Variants in RSRC1 observed in about 807,000 individuals in gnomAD.
The protein encoded by RSRC1 is serine/Arginine-related protein 53.
A neutral mutation model predicts 49.1 loss-of-function variants in RSRC1; 39 were observed. That is an observed-to-expected ratio of 0.79 (90% CI 0.61 to 1.04). RSRC1 has a LOEUF of 1.04. Ranked by LOEUF, RSRC1 falls within the 50% of genes least tolerant of loss-of-function variation. The probability of loss-of-function intolerance (pLI) is 0.00; values close to 1 mark genes in which losing one functional copy is unlikely to be tolerated. For missense variants in RSRC1, 388 were observed against 402.4 expected (o/e 0.96, Z 0.31); for synonymous variants, 143 against 130.8 (o/e 1.09, Z -0.63).
intron 7 of RSRC1, among the ~76,000 whole-genome samples, chr3:158,505,578 T>A (rs1475271561): frequency 6.6e-6 from 1 of 152,098 alleles, no homozygotes; most frequent in African/African-American, 2.4e-5. Flanking sequence ...GGAGTGGCAT[T>A]TGAGCTGAAT....
At chr3:158,197,154 TATTA>T (rs1408463073) in intron 3 of RSRC1, among the ~76,000 whole-genome samples, 1 of 152,234 alleles carries the variant, frequency 6.6e-6, no homozygotes, top group Non-Finnish European at 1.5e-5. Flanking sequence ...GTTGGTAAGC[TATTA>T]ATTGTTGCCT....
At chr3:158,364,693 T>C (rs1731660429) in intron 6 of RSRC1, among the ~76,000 whole-genome samples, 2 of 151,968 alleles carry the variant, frequency 1.3e-5, no homozygotes, top group African/African-American at 2.4e-5. Context: ...CAATATTGTA[T>C]GGTGGTGAAG....
intron 4 of RSRC1, among the ~76,000 whole-genome samples, chr3:158,205,842 C>A (rs920071064): frequency 6.6e-6 from 1 of 152,082 alleles, no homozygotes; most frequent in Admixed American, 6.6e-5. Context: ...TCACAAAAAT[C>A]TCATAATGTT....
intron 5 of RSRC1, among the ~76,000 whole-genome samples, chr3:158,333,914 A>G (rs1189160089): frequency 6.6e-6 from 1 of 152,250 alleles, no homozygotes; most frequent in African/African-American, 2.4e-5. Flanking sequence ...AAAGTAGCAC[A>G]GAGAATGGGT....
At chr3:158,197,831 G>A (rs376244612) in intron 3 of RSRC1, among the ~76,000 whole-genome samples, 7 of 152,102 alleles carry the variant, frequency 4.6e-5, no homozygotes, top group Non-Finnish European at 1.0e-4. Context: ...GTCAGTTCTC[G>A]TTTGATTGCA....
At chr3:158,193,891 A>G (rs1304092232) in intron 3 of RSRC1, among the ~76,000 whole-genome samples, 1 of 152,144 alleles carries the variant, frequency 6.6e-6, no homozygotes, top group Non-Finnish European at 1.5e-5. Context: ...GGACAATAAA[A>G]TAATTAAACC....
chr3:158,390,575 G>A (rs1560022414), intron 6 of RSRC1, among the ~76,000 whole-genome samples: 1 of 151,926 alleles, frequency 6.6e-6, no homozygotes, highest in African/African-American at 2.4e-5. Flanking sequence ...TTATTTACTA[G>A]GGATTATACT....
chr3:158,455,718 GC>G (rs1737273642), intron 6 of RSRC1, among the ~76,000 whole-genome samples: 1 of 151,912 alleles, frequency 6.6e-6, no homozygotes, highest in African/African-American at 2.4e-5. Flanking sequence ...GGTGGCTTAC[GC>G]CTGTAATCCC....
intron 6 of RSRC1, among the ~76,000 whole-genome samples, chr3:158,383,325 T>A (rs1732803036): frequency 6.6e-6 from 1 of 152,116 alleles, no homozygotes; most frequent in South Asian, 2.1e-4. Flanking sequence ...AACCCATGGA[T>A]ATGAAGGGGT....
chr3:158,424,475 G>T (rs919052658), intron 6 of RSRC1, among the ~76,000 whole-genome samples: 1 of 150,572 alleles, frequency 6.6e-6, no homozygotes, highest in African/African-American at 2.4e-5. Context: ...GCTGGATTCG[G>T]TTTGCCAGTA....
At chr3:158,336,687 C>T (rs1214713177) in intron 5 of RSRC1, 4 of 152,162 alleles carry the variant, frequency 2.6e-5, no homozygotes, top group Admixed American at 6.5e-5. Flanking sequence ...GATGCCACCT[C>T]AGTGCCTGGC....
intron 7 of RSRC1, among the ~76,000 whole-genome samples, chr3:158,479,233 TA>T (rs1235108221): frequency 2.7e-5 from 4 of 148,922 alleles, no homozygotes; most frequent in African/African-American, 9.8e-5. Context: ...GTATTATTTT[TA>T]AAATGTTTTT....
intron 6 of RSRC1, among the ~76,000 whole-genome samples, chr3:158,360,843 T>A (rs1289917985): frequency 6.6e-6 from 1 of 152,180 alleles, no homozygotes; most frequent in Admixed American, 6.5e-5. Context: ...CAGCCCCAAC[T>A]TGGGGGCTGC....
chr3:158,380,211 T>A (rs1307164188), intron 6 of RSRC1, among the ~76,000 whole-genome samples: 3 of 152,204 alleles, frequency 2.0e-5, no homozygotes, highest in Non-Finnish European at 4.4e-5. Context: ...ACTTTTTGCA[T>A]CAAATATCAT....
intron 4 of RSRC1, among the ~76,000 whole-genome samples, chr3:158,269,236 G>A (rs990128736): frequency 1.6e-4 from 25 of 151,854 alleles, no homozygotes; most frequent in African/African-American, 5.3e-4. Context: ...ATGGGCATTC[G>A]TTTCAGATAT....
At chr3:158,124,328 A>G in intron 3 of RSRC1, among the ~76,000 whole-genome samples, 1 of 151,908 alleles carries the variant, frequency 6.6e-6, no homozygotes, top group South Asian at 2.1e-4. Context: ...GTTTACTAGT[A>G]TTTTGTTAAG....
At chr3:158,175,982 A>G (rs1417079049) in intron 3 of RSRC1, among the ~76,000 whole-genome samples, 2 of 151,836 alleles carry the variant, frequency 1.3e-5, no homozygotes, top group African/African-American at 4.8e-5. Flanking sequence ...TGATCAGGTC[A>G]TTTAAGCTCT....
chr3:158,492,167 T>G (rs917446984), intron 7 of RSRC1, among the ~76,000 whole-genome samples: 17 of 152,252 alleles, frequency 1.1e-4, no homozygotes, highest in African/African-American at 3.9e-4. Context: ...TCAGATCTCA[T>G]GAGAACTCAC....
At chr3:158,409,529 T>G (rs899480243) in intron 6 of RSRC1, among the ~76,000 whole-genome samples, 1 of 152,192 alleles carries the variant, frequency 6.6e-6, no homozygotes, top group Admixed American at 6.5e-5. Context: ...ATTTTATGTC[T>G]GATTAGTGGG....
Sources: allele counts gnomAD v4.1 joint callset (sites outside exome capture counted in the v4.1 genomes callset), GRCh38; gene constraint gnomAD v4.1.1; transcripts MANE v1.5; gene names NCBI Gene and HGNC (gene_info 2026-07-23, HGNC 2026-07-21).